The following TBC1D8 variants were observed in gnomAD, a reference collection of about 807,000 sequenced individuals.
TBC1D8 encodes BUB2-like protein 1.
TBC1D8 carries 65 observed loss-of-function variants against 118.8 expected under a neutral mutation model. The ratio of observed to expected loss-of-function variants is 0.55; its 90% CI spans 0.45 to 0.67. TBC1D8 has a LOEUF of 0.67. TBC1D8 is among the 30% of genes least tolerant of loss of function. TBC1D8 has a pLI of 0.00. For missense variants in TBC1D8, 1,376 were observed against 1,471.2 expected (o/e 0.94, Z 1.06); for synonymous variants, 566 against 595.8 (o/e 0.95, Z 0.73).
chr2:101,114,228 T>C (rs1394867285), intron 1 of TBC1D8, among the ~76,000 whole-genome samples: 1 of 152,164 alleles, frequency 6.6e-6, no homozygotes, highest in Non-Finnish European at 1.5e-5. Flanking sequence ...AACATTTCTA[T>C]CTTTGATAAC....
intron 1 of TBC1D8, among the ~76,000 whole-genome samples, chr2:101,119,871 T>G (rs1338110713): frequency 6.6e-6 from 1 of 152,210 alleles, no homozygotes; most frequent in Non-Finnish European, 1.5e-5. Context: ...AGCAGGTCCT[T>G]GAAATGACAC....
In TBC1D8 at chr2:101,028,707, A is replaced by G. The variant is rs543769990; in HGVS notation, c.2223-275T>C. Among the ~76,000 whole-genome samples the G allele has an allele frequency of 7.2e-5, 11 of 152,274 alleles. No individual in the cohort carries two copies. The East Asian group carries it at 2.1e-3, about 29-fold the overall frequency. ...ATACATGCAAGGTTAAGCTTCCATC[A>G]TGCTCTGAAAGAGAACCCCCTCTTT... is the stretch of plus-strand genomic sequence containing the variant. On this transcript the variant is annotated intron_variant, in intron 12 of 19. Coordinates refer to ENST00000409318, the MANE Select transcript of TBC1D8 (RefSeq NM_001330348.2).
chr2:101,073,302 T>TTA (rs1336233769), intron 2 of TBC1D8, among the ~76,000 whole-genome samples: 4 of 145,224 alleles, frequency 2.8e-5, no homozygotes, highest in Non-Finnish European at 6.1e-5. Context: ...TTTTATTTAT[T>TTA]TTTTTTTTTG....
intron 17 of TBC1D8, among the ~76,000 whole-genome samples, chr2:101,014,197 GT>G (rs113766146): frequency 5.5e-4 from 79 of 144,380 alleles, no homozygotes; most frequent in East Asian, 2.4e-3. Context: ...TTTCGCAAAA[GT>G]TTTTTTTTTT....
chr2:101,086,011 G>A (rs570324009), intron 2 of TBC1D8, among the ~76,000 whole-genome samples: 174 of 152,024 alleles, frequency 1.1e-3, no homozygotes, highest in Non-Finnish European at 2.2e-3. Flanking sequence ...GCGTGGTGGC[G>A]GGTGCCTGTA....
intron 3 of TBC1D8, among the ~76,000 whole-genome samples, chr2:101,055,912 T>A (rs1275592642): frequency 6.6e-6 from 1 of 152,066 alleles, no homozygotes; most frequent in Non-Finnish European, 1.5e-5. Context: ...AGTTTGAGGT[T>A]ACAGTGCACT....
At chr2:101,121,044 C>T (rs1189231367) in intron 1 of TBC1D8, among the ~76,000 whole-genome samples, 1 of 152,158 alleles carries the variant, frequency 6.6e-6, no homozygotes, top group Non-Finnish European at 1.5e-5. Flanking sequence ...TCACAAGTAG[C>T]ATGATAACGT....
At chr2:101,085,700 A>T (rs1162844976) in intron 2 of TBC1D8, among the ~76,000 whole-genome samples, 1 of 152,248 alleles carries the variant, frequency 6.6e-6, no homozygotes, top group Non-Finnish European at 1.5e-5. Flanking sequence ...GGAACACTCA[A>T]GGAAGAAAAG....
intron 1 of TBC1D8, among the ~76,000 whole-genome samples, chr2:101,113,837 T>C (rs763672897): frequency 5.3e-5 from 8 of 152,182 alleles, no homozygotes; most frequent in Non-Finnish European, 1.0e-4. Flanking sequence ...GGATTCCGGC[T>C]CCTCACGCAG....
intron 2 of TBC1D8, among the ~76,000 whole-genome samples, chr2:101,080,988 C>G (rs1675226304): frequency 6.6e-6 from 1 of 152,014 alleles, no homozygotes; most frequent in Admixed American, 6.6e-5. Context: ...GTTGCCCAGG[C>G]TGGTCTTGAA....
chr2:101,021,891 A>G (rs1284541058), intron 16 of TBC1D8, 145 bp from the exon 17 acceptor site: 2 of 641,196 alleles, frequency 3.1e-6, no homozygotes, highest in African/African-American at 3.6e-5. Flanking sequence ...CATGGTAGCA[A>G]TGAAAGTGTT....
intron 2 of TBC1D8, among the ~76,000 whole-genome samples, chr2:101,073,653 TG>T (rs2105439187): frequency 6.6e-6 from 1 of 152,360 alleles, no homozygotes; most frequent in East Asian, 1.9e-4. Flanking sequence ...CGAGCTCTGC[TG>T]GACCTTCTGG....
At position 101,097,736 on chromosome 2, in the gene TBC1D8, C is replaced by T. The variant is rs573097399; in HGVS notation, c.128-7372G>A. Among the ~76,000 whole-genome samples the T allele has an allele frequency of 9.1e-4, 139 of 152,216 alleles. 1 individual carries two copies. The highest frequency in any genetic ancestry group is 3.3e-3 in the African/African-American group (136 of 41,538). On this transcript the variant is annotated intron_variant, in intron 1 of 19. Transcript: ENST00000409318. ...TGTAAAAATTAGCCAGGCATAATTGCATGCACCTGCAGTCCCAGCTACTTA... is the reference window on the plus strand; with the variant it reads ...TGTAAAAATTAGCCAGGCATAATTGTATGCACCTGCAGTCCCAGCTACTTA...
intron 2 of TBC1D8, among the ~76,000 whole-genome samples, chr2:101,088,736 A>G (rs1374736668): frequency 6.6e-6 from 1 of 151,806 alleles, no homozygotes; most frequent in Non-Finnish European, 1.5e-5. Flanking sequence ...ACGCCCAGCT[A>G]ATTTTTAAAT....
At chr2:101,114,809 T>TTTAACCA (rs1043914304) in intron 1 of TBC1D8, among the ~76,000 whole-genome samples, 1 of 152,230 alleles carries the variant, frequency 6.6e-6, no homozygotes, top group African/African-American at 2.4e-5. Context: ...CATATGGGAA[T>TTTAACCA]TTAACCATTA....
intron 1 of TBC1D8, among the ~76,000 whole-genome samples, chr2:101,122,261 C>T (rs1366178596): frequency 2.7e-5 from 4 of 150,350 alleles, no homozygotes; most frequent in East Asian, 2.0e-4. Context: ...TTAGTAGAAA[C>T]GGGGTTTCAC....
chr2:101,054,667 CTTTTCTTTTTTT>C (rs1423653680), intron 3 of TBC1D8, among the ~76,000 whole-genome samples: 8 of 21,296 alleles, frequency 3.8e-4, no homozygotes, highest in Non-Finnish European at 5.4e-4. Context: ...ATTTTCTTTT[CTTTTCTTTTTTT>C]TTTTTTTTTT....
intron 1 of TBC1D8, among the ~76,000 whole-genome samples, chr2:101,093,564 T>A (rs1035709788): frequency 7.9e-5 from 12 of 151,632 alleles, no homozygotes; most frequent in African/African-American, 2.9e-4. Context: ...AAAAAAAAAA[T>A]TTTAACCAGG....
intron 9 of TBC1D8, 52 bp from the exon 10 acceptor site, chr2:101,033,810 A>G: frequency 1.3e-6 from 2 of 1,567,958 alleles, no homozygotes; most frequent in Non-Finnish European, 1.7e-6. Flanking sequence ...GGATGGTGTC[A>G]TGATGAAGAA....
Sources: allele counts gnomAD v4.1 joint callset (sites outside exome capture counted in the v4.1 genomes callset), GRCh38; gene constraint gnomAD v4.1.1; transcripts MANE v1.5; gene names NCBI Gene and HGNC (gene_info 2026-07-23, HGNC 2026-07-21).